RALGAPA2: variants seen among roughly 807,000 people sequenced by gnomAD.
RALGAPA2 encodes the protein Ral GTPase activating protein catalytic subunit alpha 2, also known as ral GTPase-activating protein subunit alpha-2.
In RALGAPA2, 139 loss-of-function variants were observed where a neutral mutation model predicts 230.4. The observed-to-expected ratio is 0.60, with a 90% CI of 0.53 to 0.69. RALGAPA2 has a LOEUF of 0.69. Among genes scored for constraint, RALGAPA2 ranks in the 30% least tolerant of loss-of-function variants. RALGAPA2 has a pLI of 0.00. For missense variants in RALGAPA2, 2,163 were observed against 2,276.0 expected (o/e 0.95, Z 1.01); for synonymous variants, 847 against 837.8 (o/e 1.01, Z -0.19).
At chr20:20,555,641 GT>G (rs1384319992) in intron 23 of RALGAPA2, among the ~76,000 whole-genome samples, 1 of 152,146 alleles carries the variant, frequency 6.6e-6, no homozygotes, top group African/African-American at 2.4e-5. Context: ...TTATTCCTAA[GT>G]ATTTGATTCT....
At position 20,392,862 on chromosome 20, in the gene RALGAPA2, A is replaced by T; in HGVS notation, c.*427T>A. On this transcript the variant is annotated 3_prime_UTR_variant, in exon 40 of 40. Transcript: ENST00000202677. ...TGAGAAGAAACAACTTGGGGTGCAG[A>T]AGCAAGCTGCCCTCTGCCCCCTCCC... is the stretch of plus-strand genomic sequence containing the variant. 3.7e-6 allele frequency: 1 copy of T among 273,754 alleles called. No individual in the cohort carries two copies. Among genetic ancestry groups the T allele is most frequent in the Non-Finnish European group, 7.1e-6 (1 of 140,132 alleles). 17.0% of individuals were successfully genotyped at this position (273,754 alleles called of 1,614,324 possible).
chr20:20,617,891 TC>T (rs1344551598), intron 12 of RALGAPA2, among the ~76,000 whole-genome samples: 1 of 152,144 alleles, frequency 6.6e-6, no homozygotes. Flanking sequence ...CCAAAGTAAA[TC>T]TTTTTTTTAA....
chr20:20,527,398 C>A (rs578011507), intron 27 of RALGAPA2, among the ~76,000 whole-genome samples: 1 of 152,304 alleles, frequency 6.6e-6, no homozygotes, highest in African/African-American at 2.4e-5. Context: ...GACCTCACAT[C>A]CCAGATGACC....
At chr20:20,597,507 T>C (rs1224843431) in intron 16 of RALGAPA2, among the ~76,000 whole-genome samples, 1 of 152,176 alleles carries the variant, frequency 6.6e-6, no homozygotes, top group Non-Finnish European at 1.5e-5. Context: ...TAAGCTTTCA[T>C]TTTGCTTTGC....
chr20:20,430,991 C>T lies in RALGAPA2; in HGVS notation c.5496-18843G>A, dbSNP rs570758174. 1.3e-3 allele frequency among the ~76,000 whole-genome samples: 192 copies of T among 152,172 alleles called. 1 individual carries two copies. The highest frequency in any genetic ancestry group is 2.1e-3 in the Admixed American group (32 of 15,288). On this transcript the variant is annotated intron_variant, in intron 37 of 39. Transcript: ENST00000202677. ...ACAGGAATGACTTTGGGACACTCTT[C>T]CCAGGGCTTCTTGGTGGTGTGAACA...
At chr20:20,604,794 G>A (rs2065768514) in intron 15 of RALGAPA2, among the ~76,000 whole-genome samples, 1 of 152,150 alleles carries the variant, frequency 6.6e-6, no homozygotes, top group South Asian at 2.1e-4. Context: ...CAAAGGATTG[G>A]ACATCCCTGC....
At chr20:20,698,490 A>G (rs566933398) in intron 1 of RALGAPA2, among the ~76,000 whole-genome samples, 2 of 152,258 alleles carry the variant, frequency 1.3e-5, no homozygotes, top group Non-Finnish European at 2.9e-5. Flanking sequence ...CCCGGGTTCA[A>G]GTGATTCTCC....
At chr20:20,440,847 A>G (rs1463964271) in intron 37 of RALGAPA2, among the ~76,000 whole-genome samples, 1 of 152,242 alleles carries the variant, frequency 6.6e-6, no homozygotes, top group Non-Finnish European at 1.5e-5. Flanking sequence ...ATGCCCCGGG[A>G]AAATCAGTTA....
intron 37 of RALGAPA2, among the ~76,000 whole-genome samples, chr20:20,456,364 G>C (rs916130732): frequency 6.6e-6 from 1 of 152,192 alleles, no homozygotes; most frequent in Non-Finnish European, 1.5e-5. Context: ...GCCTCATAGT[G>C]AGCCCCTCAC....
At chr20:20,458,409 ATGTTATATATAATATATATGTATTTTT>A (rs1300215978) in intron 37 of RALGAPA2, among the ~76,000 whole-genome samples, 1 of 143,776 alleles carries the variant, frequency 7.0e-6, no homozygotes, top group East Asian at 2.0e-4. Flanking sequence ...CATATAATAT[ATGTTATATATAATATATATGTATTTTT>A]TATATTACAT....
intron 37 of RALGAPA2, among the ~76,000 whole-genome samples, chr20:20,463,861 AC>A (rs1317584383): frequency 6.6e-6 from 1 of 152,098 alleles, no homozygotes; most frequent in African/African-American, 2.4e-5. Context: ...GTCAGCAAAT[AC>A]CCTCTTGCAT....
At chr20:20,632,867 T>G (rs1448956009) in intron 9 of RALGAPA2, among the ~76,000 whole-genome samples, 1 of 152,198 alleles carries the variant, frequency 6.6e-6, no homozygotes, top group Non-Finnish European at 1.5e-5. Flanking sequence ...ATAGCAGAGA[T>G]ATTAACTCTT....
At chr20:20,440,570 T>A (rs539721084) in intron 37 of RALGAPA2, among the ~76,000 whole-genome samples, 5 of 152,322 alleles carry the variant, frequency 3.3e-5, no homozygotes, top group Non-Finnish European at 7.4e-5. Context: ...CTGCTCTGAA[T>A]AGAAGCACTT....
In RALGAPA2 at chr20:20,591,305, T is replaced by G; in HGVS notation, c.2213A>C (p.Glu738Ala). The G allele has an allele frequency of 6.2e-7, 1 of 1,613,538 alleles. No homozygotes were observed. The highest frequency in any genetic ancestry group is 2.2e-5 in the East Asian group (1 of 44,840). ...AGGTGCATTTTCTGACTGTTGACAC[T>G]CCTCCACTTCTGTGAGCATTAACAA... ...IVRQKATEVE[E>A]CQQSENAPAA... The change falls in exon 17 of 40, where the codon GAG (glutamate) becomes GCG (alanine). Residue 738 changes from glutamate (E) to alanine (A), a missense_variant. Coordinates refer to ENST00000202677, the MANE Select transcript of RALGAPA2 (RefSeq NM_020343.4).
chr20:20,596,026 G>GA lies in RALGAPA2; in HGVS notation c.2204-4713dup, dbSNP rs202058362. On this transcript the variant is annotated intron_variant, in intron 16 of 39. Transcript: ENST00000202677. ...CTGGAAAGAACTGTTCTCACGAAGG[G>GA]AAAAAAACAAATAAAAGAAAATCAC... 7.1e-3 allele frequency among the ~76,000 whole-genome samples: 1,075 copies of GA among 152,074 alleles called. 10 individuals are homozygous for GA. The highest frequency in any genetic ancestry group is 0.025 in the African/African-American group (1,032 of 41,482).
chr20:20,562,547 T>C (rs1267220987), intron 23 of RALGAPA2, among the ~76,000 whole-genome samples: 4 of 152,244 alleles, frequency 2.6e-5, no homozygotes, highest in African/African-American at 7.2e-5. Context: ...TTCATATTCA[T>C]GTCTGATAAC....
At chr20:20,570,958 C>A (rs867233095) in intron 23 of RALGAPA2, among the ~76,000 whole-genome samples, 1 of 152,166 alleles carries the variant, frequency 6.6e-6, no homozygotes, top group South Asian at 2.1e-4. Flanking sequence ...CCTTTCTGTT[C>A]GAACTTGAAC....
intron 1 of RALGAPA2, among the ~76,000 whole-genome samples, chr20:20,701,905 C>T (rs547262014): frequency 5.9e-5 from 9 of 151,426 alleles, no homozygotes; most frequent in Admixed American, 2.6e-4. Flanking sequence ...CCAGGCGCGG[C>T]GGCAGGTGTT....
intron 37 of RALGAPA2, among the ~76,000 whole-genome samples, chr20:20,449,655 T>C (rs903555227): frequency 4.6e-5 from 7 of 151,888 alleles, no homozygotes; most frequent in South Asian, 2.1e-4. Flanking sequence ...CTTTTTTTTT[T>C]CCCCCGGACC....
Sources: gnomAD v4.1 joint callset for allele counts (sites outside exome capture counted in the v4.1 genomes callset) on GRCh38, gnomAD v4.1.1 for gene constraint, MANE v1.5 for transcripts, NCBI Gene and HGNC (gene_info 2026-07-23, HGNC 2026-07-21) for gene names.